Variants in STT3A observed in about 807,000 individuals in gnomAD.
The protein encoded by STT3A is STT3 oligosaccharyltransferase complex catalytic subunit A.
In STT3A, 34 loss-of-function variants were observed where a neutral mutation model predicts 89.2. The ratio of observed to expected loss-of-function variants is 0.38; its 90% CI spans 0.29 to 0.51. STT3A has a LOEUF of 0.51. STT3A is among the 20% of genes least tolerant of loss of function. The probability of loss-of-function intolerance (pLI) is 0.89; values close to 1 mark genes in which losing one functional copy is unlikely to be tolerated. For missense variants in STT3A, 555 were observed against 889.5 expected (o/e 0.62, Z 4.78); for synonymous variants, 282 against 310.3 (o/e 0.91, Z 0.96).
At chr11:125,605,552 G>C (rs1446422613) in intron 6 of STT3A, 77 bp from the exon 7 acceptor site, 1 of 1,014,998 alleles carries the variant, frequency 9.9e-7, no homozygotes, top group South Asian at 1.6e-5. Context: ...GATCCAGGCA[G>C]TCTGTTCCAG....
At chr11:125,616,826 C>T (rs1464918106) in intron 15 of STT3A, among the ~76,000 whole-genome samples, 2 of 152,140 alleles carry the variant, frequency 1.3e-5, no homozygotes, top group Non-Finnish European at 2.9e-5. Context: ...TACAGGCACA[C>T]ACCACCATGC....
At chr11:125,610,057 C>CTTTTTTTT (rs66578574) in intron 10 of STT3A, among the ~76,000 whole-genome samples, 1 of 106,032 alleles carries the variant, frequency 9.4e-6, no homozygotes, top group African/African-American at 3.4e-5. Flanking sequence ...TAACTTTTAC[C>CTTTTTTTT]TTTTTTTTTT....
intron 3 of STT3A, 60 bp from the exon 4 acceptor site, chr11:125,602,243 G>A (rs1389076387): frequency 8.9e-6 from 14 of 1,579,580 alleles, no homozygotes; most frequent in South Asian, 2.3e-5. Context: ...TTTCTCAATG[G>A]TGTATCCTGA....
chr11:125,607,993 G>A, intron 8 of STT3A, 116 bp from the exon 9 acceptor site: 1 of 1,118,498 alleles, frequency 8.9e-7, no homozygotes, highest in Non-Finnish European at 1.2e-6. Flanking sequence ...GATTCCTTCG[G>A]GGCCTCAGAA....
intron 3 of STT3A, among the ~76,000 whole-genome samples, chr11:125,598,581 C>T (rs561746011): frequency 3.3e-5 from 5 of 152,198 alleles, no homozygotes; most frequent in Admixed American, 2.6e-4. Flanking sequence ...TATTTTTTCT[C>T]ATGAATGAGG....
At position 125,613,267 on chromosome 11, in the gene STT3A, T is replaced by C; in HGVS notation, c.1554+90T>C. On this transcript the variant is annotated intron_variant, in intron 13 of 17. Coordinates refer to ENST00000392708, the MANE Select transcript of STT3A (RefSeq NM_152713.5). The surrounding 1 kb of genome is among the most constrained non-coding windows in gnomAD (Gnocchi z 4.2). ...GTGAATCATACAGCTTTTAGATGGG[T>C]GGAAAGCTGGGTGAAACTGGAACTT... 7.0e-7 allele frequency: 1 copy of C among 1,426,300 alleles called. No individual in the cohort carries two copies. The highest frequency in any genetic ancestry group is 9.6e-7 in the Non-Finnish European group (1 of 1,042,440). The allele number at this position is 1,426,300 out of a possible 1,614,324, so 88.4% of individuals were successfully genotyped here.
At position 125,622,248 on chromosome 11, in the gene STT3A, T is replaced by C. The variant is rs192020290; in HGVS notation, c.*1438T>C. On this transcript the variant is annotated 3_prime_UTR_variant, in exon 18 of 18. Coordinates refer to ENST00000392708, the MANE Select transcript of STT3A (RefSeq NM_152713.5). ...AGGGATATGCTGTTGTATATTTGTA[T>C]AGCCAGGGCACTTAGCCTTCCAAAC... 37 of 152,336 alleles carry C rather than the reference T, an allele frequency of 2.4e-4. No individual in the cohort carries two copies. The highest frequency in any genetic ancestry group is 2.0e-3 in the Admixed American group (30 of 15,302). The allele number at this position is 152,336 out of a possible 1,614,324, so 9.4% of individuals were successfully genotyped here.
chr11:125,612,692 G>T lies in STT3A; in HGVS notation c.1310G>T (p.Arg437Leu), dbSNP rs776079118. ...TACATGAAGAATCTGGACATAAGTCGTCCAGACAAGAAGAGCAAGAAGCAA... is the reference window on the plus strand; with the variant it reads ...TACATGAAGAATCTGGACATAAGTCTTCCAGACAAGAAGAGCAAGAAGCAA... ...STYMKNLDIS[R>L]PDKKSKKQQD... Residue 437 changes from arginine (R) to leucine (L), a missense_variant, in exon 12 of 18, where the codon CGT (arginine) becomes CTT (leucine). Transcript: ENST00000392708. 1 of 1,614,168 alleles carries T rather than the reference G, an allele frequency of 6.2e-7. No individual in the cohort carries two copies. Among genetic ancestry groups the T allele is most frequent in the Non-Finnish European group, 8.5e-7 (1 of 1,180,038 alleles).
At chr11:125,598,684 A>T (rs1939574742) in intron 3 of STT3A, among the ~76,000 whole-genome samples, 2 of 152,176 alleles carry the variant, frequency 1.3e-5, no homozygotes, top group Admixed American at 1.3e-4. Flanking sequence ...GGCTTACTGC[A>T]GCCTTGACTT....
intron 1 of STT3A, chr11:125,594,874 A>G (rs1939441956): frequency 6.6e-6 from 1 of 152,180 alleles, no homozygotes; most frequent in South Asian, 2.1e-4. Context: ...AGTTACAGAG[A>G]AGCCTTGAGA....
At chr11:125,619,464 C>T (rs1312238562) in intron 16 of STT3A, among the ~76,000 whole-genome samples, 1 of 152,084 alleles carries the variant, frequency 6.6e-6, no homozygotes, top group East Asian at 1.9e-4. Context: ...AAGAGTGGCT[C>T]CAAATTCTGT....
intron 15 of STT3A, among the ~76,000 whole-genome samples, chr11:125,616,401 C>T (rs1940183547): frequency 6.6e-6 from 1 of 152,142 alleles, no homozygotes; most frequent in African/African-American, 2.4e-5. Context: ...CAGATGCAGT[C>T]ATCTGTTTTT....
chr11:125,608,225 C>T lies in STT3A; in HGVS notation c.897C>T (p.Phe299=). The T allele has an allele frequency of 6.2e-7, 1 of 1,614,228 alleles. No individual in the cohort carries two copies. Among genetic ancestry groups the T allele is most frequent in the Non-Finnish European group, 8.5e-7 (1 of 1,180,028 alleles). ...ATCCACAACAATTTGAAGTTCTTTT[C>T]CGGAGCGTCATCTCTCTGGTAGGCT... The part of the protein sequence containing the change: ...KLNPQQFEVL[F]RSVISLVGFV... Residue 299 remains phenylalanine, a synonymous_variant, in exon 9 of 18, where the codon TTC becomes TTT. Transcript: ENST00000392708.
chr11:125,612,225 TA>T (rs1253171580), intron 11 of STT3A, among the ~76,000 whole-genome samples: 5 of 152,162 alleles, frequency 3.3e-5, no homozygotes, highest in Admixed American at 3.3e-4. Context: ...TACTAATAAC[TA>T]ATACTAGGTA....
At position 125,602,923 on chromosome 11, in the gene STT3A, C is replaced by T. The variant is rs1246461022; in HGVS notation, c.392C>T (p.Thr131Met). Residue 131 changes from threonine to methionine, a missense_variant, in exon 5 of 18, where the codon ACG becomes ATG. Thr to Met is a moderately conservative substitution (Grantham distance 81). Coordinates refer to ENST00000392708, the MANE Select transcript of STT3A (RefSeq NM_152713.5). Reference sequence around the variant, plus strand: ...TTCTCCTCCTTCACCACCATCGTCACGTACCACCTTACCAAAGAGCTCAAG... The same window carrying T: ...TTCTCCTCCTTCACCACCATCGTCATGTACCACCTTACCAAAGAGCTCAAG... ...PLFSSFTTIV[T>M]YHLTKELKDA... 5 of 1,614,114 alleles carry T rather than the reference C, an allele frequency of 3.1e-6. No homozygotes were observed. Among genetic ancestry groups the T allele is most frequent in the African/African-American group, 1.3e-5 (1 of 75,016 alleles).
rs554287046 is a variant in STT3A, at chr11:125,602,936, C to G, written c.405C>G (p.Thr135=). 3.2e-5 allele frequency: 51 copies of G among 1,613,976 alleles called. No homozygotes were observed. Among genetic ancestry groups the G allele is most frequent in the Non-Finnish European group, 4.2e-5 (50 of 1,180,010 alleles). ...SFTTIVTYHL[T]KELKDAGAGL... ...CCACCATCGTCACGTACCACCTTAC[C>G]AAAGAGCTCAAGGTGAAGGATTTGG... is the stretch of plus-strand genomic sequence containing the variant. Residue 135 remains threonine (T), a synonymous_variant, in exon 5 of 18, where the codon ACC becomes ACG. Transcript: ENST00000392708.
chr11:125,608,386 C>T, intron 9 of STT3A, 97 bp downstream of exon 9: 1 of 1,231,436 alleles, frequency 8.1e-7, no homozygotes, highest in East Asian at 2.5e-5. Context: ...GCGATCTCGG[C>T]TCACTGCAAC....
chr11:125,611,938 C>T (rs780161473), intron 11 of STT3A, among the ~76,000 whole-genome samples: 11 of 119,224 alleles, frequency 9.2e-5, no homozygotes, highest in East Asian at 2.8e-4. Context: ...AGAGCAGTGG[C>T]GTGGTCCCGG....
chr11:125,619,968 T>G, intron 16 of STT3A, 43 bp from the exon 17 acceptor site: 1 of 1,517,180 alleles, frequency 6.6e-7, no homozygotes, highest in Non-Finnish European at 9.1e-7. Flanking sequence ...TCTAGGAAAT[T>G]AGCACTGTAG....
Sources: allele counts gnomAD v4.1 joint callset (sites outside exome capture counted in the v4.1 genomes callset), GRCh38; gene constraint gnomAD v4.1.1; non-coding constraint Gnocchi (gnomAD v3.1); transcripts MANE v1.5; gene names NCBI Gene and HGNC (gene_info 2026-07-23, HGNC 2026-07-21).